The following BACH1 variants were observed in gnomAD, a reference collection of about 807,000 sequenced individuals.
BACH1 encodes BTB domain and CNC homolog 1, also known as transcription regulator protein BACH1.
Under a neutral mutation model 52.9 loss-of-function variants are expected in BACH1, and 35 were observed. That is an observed-to-expected ratio of 0.66 (90% CI 0.51 to 0.88). The LOEUF (loss-of-function observed/expected upper bound fraction) is 0.88. Among genes scored for constraint, BACH1 ranks in the 40% least tolerant of loss-of-function variants. BACH1 has a pLI of 0.00. For missense variants in BACH1, 808 were observed against 872.6 expected, an observed-to-expected ratio of 0.93 and a Z score of 0.93; for synonymous variants, 321 against 319.6, an observed-to-expected ratio of 1.00 and a Z score of -0.05.
At chr21:29,301,167 T>C (rs1360973214) in intron 1 of BACH1, among the ~76,000 whole-genome samples, 1 of 152,230 alleles carries the variant, frequency 6.6e-6, no homozygotes, top group African/African-American at 2.4e-5. Context: ...AGTCTGGGAC[T>C]AGAGGAGATT....
At chr21:29,318,106 A>G (rs1294926923) in intron 1 of BACH1, among the ~76,000 whole-genome samples, 1 of 152,238 alleles carries the variant, frequency 6.6e-6, no homozygotes, top group Non-Finnish European at 1.5e-5. Context: ...TGAATGGAGT[A>G]GAAAGTATCA....
intron 2 of BACH1, among the ~76,000 whole-genome samples, chr21:29,322,647 A>G (rs2088862022): frequency 6.6e-6 from 1 of 152,240 alleles, no homozygotes. Flanking sequence ...TCATTTGAGT[A>G]TGACAGGTCT....
chr21:29,299,569 A>G (rs1232623016), intron 1 of BACH1: 3 of 152,244 alleles, frequency 2.0e-5, no homozygotes, highest in African/African-American at 4.8e-5. Flanking sequence ...AGTTTTGCCC[A>G]CGCGTTGTAA....
At chr21:29,351,913 G>C (rs933056447) in intron 2 of BACH1, 1 of 369,994 alleles carries the variant, frequency 2.7e-6, no homozygotes, top group Non-Finnish European at 5.4e-6. Context: ...AATAGGTTGA[G>C]TATGAAGTAT....
At chr21:29,310,418 T>C (rs1249150176) in intron 1 of BACH1, among the ~76,000 whole-genome samples, 1 of 152,228 alleles carries the variant, frequency 6.6e-6, no homozygotes, top group African/African-American at 2.4e-5. Context: ...GTGATGGTGA[T>C]GAGGGTGGCA....
intron 1 of BACH1, among the ~76,000 whole-genome samples, chr21:29,307,432 G>A (rs949478483): frequency 6.7e-6 from 1 of 149,070 alleles, no homozygotes; most frequent in African/African-American, 2.6e-5. Flanking sequence ...TGTGTGGTGA[G>A]AACCTTTAAA....
At chr21:29,340,037 G>A (rs1471518265) in intron 4 of BACH1, among the ~76,000 whole-genome samples, 1 of 152,132 alleles carries the variant, frequency 6.6e-6, no homozygotes, top group Non-Finnish European at 1.5e-5. Flanking sequence ...CACTTCAAAC[G>A]TGATTTATAC....
rs997180081 is a variant in BACH1 at position 29,339,469 on chromosome 21, A to G, written c.1777-2930A>G. On this transcript the variant is annotated intron_variant, in intron 4 of 4. Transcript: ENST00000286800. ...GAACTATTAGTGACCATTTTCTAAC[A>G]GTGAGTACTCTTTACCCTATCATAA... Among the ~76,000 whole-genome samples the G allele has an allele frequency of 7.7e-4, 117 of 152,210 alleles. 1 individual carries two copies. The highest frequency in any genetic ancestry group is 2.7e-3 in the African/African-American group (111 of 41,522).
rs142647730 is a variant in BACH1, at chr21:29,336,957, C to T, written c.1777-5442C>T. Among the ~76,000 whole-genome samples, 674 of 152,322 alleles carry T rather than the reference C, an allele frequency of 4.4e-3. 7 individuals are homozygous for T. Among genetic ancestry groups the T allele is most frequent in the African/African-American group, 0.015 (610 of 41,568 alleles). ...AAAGTGCTGGGATTACAGACATGAG[C>T]CACCATGCCTGGCCTTTTCTTGTTT... On this transcript the variant is annotated intron_variant, in intron 4 of 4. Transcript: ENST00000286800.
rs2088907287 is a variant in BACH1 at position 29,326,106 on chromosome 21, T to C, written c.282T>C (p.Ala94=). 5 of 1,613,954 alleles carry C rather than the reference T, an allele frequency of 3.1e-6. No individual in the cohort carries two copies. Among genetic ancestry groups the C allele is most frequent in the Non-Finnish European group, 4.2e-6 (5 of 1,179,884 alleles). The change falls in exon 3 of 5, where the codon GCT becomes GCC. Residue 94 remains alanine (A), a synonymous_variant. Coordinates refer to ENST00000286800, the MANE Select transcript of BACH1 (RefSeq NM_001186.4). The part of the protein sequence containing the change: ...FEPLIQFAYT[A]KLILSKENVD... ...CTTTAATTCAGTTTGCCTACACTGC[T>C]AAACTGATTTTAAGTAAAGAGAATG...
intron 4 of BACH1, among the ~76,000 whole-genome samples, chr21:29,332,861 A>G (rs549990003): frequency 1.3e-5 from 2 of 151,954 alleles, no homozygotes; most frequent in African/African-American, 4.8e-5. Flanking sequence ...AAGAGTCAAG[A>G]CCCTCCTTTC....
chr21:29,306,115 G>T (rs951519819), intron 1 of BACH1, among the ~76,000 whole-genome samples: 2 of 151,958 alleles, frequency 1.3e-5, no homozygotes, highest in Non-Finnish European at 2.9e-5. Context: ...AAGCTTAGCT[G>T]TGAATAAGAG....
At chr21:29,354,151 G>A (rs2089219209) in intron 2 of BACH1, among the ~76,000 whole-genome samples, 1 of 152,126 alleles carries the variant, frequency 6.6e-6, no homozygotes, top group African/African-American at 2.4e-5. Context: ...GATGAGAGAG[G>A]GCCTCTCATG....
downstream of BACH1, among the ~76,000 whole-genome samples, chr21:29,350,126 G>A (rs2089194111): frequency 6.6e-6 from 1 of 151,982 alleles, no homozygotes; most frequent in Admixed American, 6.6e-5. Context: ...CCAGACCAAC[G>A]TCACTCCTGT....
chr21:29,351,633 G>T, intron 2 of BACH1: 1 of 534,714 alleles, frequency 1.9e-6, no homozygotes, highest in Non-Finnish European at 3.8e-6. Context: ...TTCTGTTTCA[G>T]GGTTCTGTGG....
At chr21:29,320,392 A>G (rs1454861660) in intron 1 of BACH1, among the ~76,000 whole-genome samples, 1 of 152,232 alleles carries the variant, frequency 6.6e-6, no homozygotes, top group African/African-American at 2.4e-5. Context: ...AAAAATATAG[A>G]TAAGCATACA....
chr21:29,349,294 G>T (rs946847375), downstream of BACH1, among the ~76,000 whole-genome samples: 1 of 152,138 alleles, frequency 6.6e-6, no homozygotes, highest in Non-Finnish European at 1.5e-5. Context: ...GCACTCTGTA[G>T]TACGTTGGAA....
chr21:29,354,338 G>A (rs1027037361), intron 2 of BACH1, among the ~76,000 whole-genome samples: 1 of 152,112 alleles, frequency 6.6e-6, no homozygotes, highest in African/African-American at 2.4e-5. Context: ...AGGACAATGG[G>A]AAACTTTTGA....
Position 29,329,747 on chromosome 21 carries a change from C to G in BACH1, c.1776+54C>G, listed in dbSNP as rs917392575. 6 of 1,302,526 alleles carry G rather than the reference C, an allele frequency of 4.6e-6. No homozygotes were observed. In the African/African-American group the frequency reaches 9.1e-5, roughly 20 times the overall value. The allele number at this position is 1,302,526 out of a possible 1,614,324, so 80.7% of individuals were successfully genotyped here. Reference sequence around the variant, plus strand: ...TAAATTCCACCACTTTCTTTTTTGTCAAGGAAATAGTTTTTAAATTTCTAG... The same window carrying G: ...TAAATTCCACCACTTTCTTTTTTGTGAAGGAAATAGTTTTTAAATTTCTAG... On this transcript the variant is annotated intron_variant, in intron 4 of 4. Coordinates refer to ENST00000286800, the MANE Select transcript of BACH1 (RefSeq NM_001186.4).
Sources: gnomAD v4.1 joint callset for allele counts (sites outside exome capture counted in the v4.1 genomes callset) on GRCh38, gnomAD v4.1.1 for gene constraint, MANE v1.5 for transcripts, NCBI Gene and HGNC (gene_info 2026-07-23, HGNC 2026-07-21) for gene names.